RB1: variants seen among roughly 807,000 people sequenced by gnomAD.
RB1 encodes retinoblastoma-associated protein.
In RB1, 18 loss-of-function variants were observed where a neutral mutation model predicts 135.4. That is an observed-to-expected ratio of 0.13 (90% CI 0.09 to 0.20). The LOEUF is 0.20. Among genes scored for constraint, RB1 ranks in the 10% least tolerant of loss-of-function variants. The probability of loss-of-function intolerance (pLI) is 1.00; values close to 1 mark genes in which losing one functional copy is unlikely to be tolerated. For missense variants in RB1, 868 were observed against 1,110.0 expected, an observed-to-expected ratio of 0.78 and a Z score of 3.10; for synonymous variants, 365 against 373.2, an observed-to-expected ratio of 0.98 and a Z score of 0.25.
chr13:48,371,154 T>G (rs1952753952), intron 11 of RB1, among the ~76,000 whole-genome samples: 1 of 152,078 alleles, frequency 6.6e-6, no homozygotes, highest in South Asian at 2.1e-4. Flanking sequence ...ACTCACAAAT[T>G]TGGAGTGTAG....
At chr13:48,411,421 T>G in intron 17 of RB1, 4 of 1,612,810 alleles carry the variant, frequency 2.5e-6, no homozygotes, top group Non-Finnish European at 3.4e-6. Context: ...AATATCTTAC[T>G]TTTTAAGGTC....
intron 8 of RB1, among the ~76,000 whole-genome samples, chr13:48,364,420 T>C (rs1010838978): frequency 6.6e-6 from 1 of 152,224 alleles, no homozygotes; most frequent in Non-Finnish European, 1.5e-5. Context: ...GTAAATGTAT[T>C]TTGTCTTCTT....
chr13:48,332,738 TGATA>T lies in RB1; in HGVS notation c.265-9856_265-9853del, dbSNP rs1952348507. ...CAGACAAAATGGTGACTATGTGAAG[TGATA>T]GATATGTTAATTAGCTTAATTGTAG... On this transcript the variant is annotated intron_variant, in intron 2 of 26. Coordinates refer to ENST00000267163, the MANE Select transcript of RB1 (RefSeq NM_000321.3). 3.9e-5 allele frequency among the ~76,000 whole-genome samples: 6 copies of T among 152,194 alleles called. No homozygotes were observed. In the South Asian group the frequency reaches 1.2e-3, roughly 31 times the overall value.
At chr13:48,376,026 T>C (rs776617925) in intron 12 of RB1, among the ~76,000 whole-genome samples, 7 of 151,806 alleles carry the variant, frequency 4.6e-5, no homozygotes, top group African/African-American at 1.7e-4. Flanking sequence ...TTATATAATA[T>C]TATATAATAT....
intron 6 of RB1, among the ~76,000 whole-genome samples, chr13:48,355,897 G>A (rs1593441337): frequency 6.6e-6 from 1 of 152,062 alleles, no homozygotes; most frequent in Admixed American, 6.6e-5. Context: ...CTAGAGAGTA[G>A]AAGGATGGTT....
intron 2 of RB1, among the ~76,000 whole-genome samples, chr13:48,307,811 C>T (rs776253098): frequency 2.7e-5 from 4 of 150,588 alleles, no homozygotes; most frequent in Non-Finnish European, 4.4e-5. Flanking sequence ...TACAGTGAGC[C>T]GAGATCGTGC....
chr13:48,313,111 A>G (rs1952145376), intron 2 of RB1, among the ~76,000 whole-genome samples: 1 of 151,872 alleles, frequency 6.6e-6, no homozygotes, highest in East Asian at 1.9e-4. Flanking sequence ...TTCCATATGA[A>G]TCTTCCATAT....
chr13:48,309,464 G>T (rs2138037883), intron 2 of RB1, among the ~76,000 whole-genome samples: 1 of 152,252 alleles, frequency 6.6e-6, no homozygotes, highest in South Asian at 2.1e-4. Flanking sequence ...TATGTAAAAA[G>T]AGAGGAATAC....
intron 17 of RB1, chr13:48,412,533 G>A: frequency 5.2e-6 from 4 of 769,714 alleles, no homozygotes; most frequent in Non-Finnish European, 2.4e-6. Flanking sequence ...AAATTATCTG[G>A]ATCTTTGGAT....
chr13:48,319,005 G>T lies in RB1; in HGVS notation c.264+11599G>T. 1 of 714,086 alleles carries T rather than the reference G, an allele frequency of 1.4e-6. No individual in the cohort carries two copies. Among genetic ancestry groups the T allele is most frequent in the Non-Finnish European group, 2.5e-6 (1 of 393,410 alleles). 44.2% of individuals were successfully genotyped at this position (714,086 alleles called of 1,614,324 possible). ...TTGCTGCCTTACATGGGGGCCGGCA[G>T]GGTAGTCTTGGAAATGCCCAAGATT... On this transcript the variant is annotated intron_variant, in intron 2 of 26. Coordinates refer to ENST00000267163, the MANE Select transcript of RB1 (RefSeq NM_000321.3). The surrounding 1 kb of genome is among the most constrained non-coding windows in gnomAD (Gnocchi z 5.0).
At chr13:48,387,714 G>T (rs1320186078) in intron 17 of RB1, among the ~76,000 whole-genome samples, 1 of 151,936 alleles carries the variant, frequency 6.6e-6, no homozygotes. Flanking sequence ...AATTGTATAG[G>T]ATGTAATTTT....
At chr13:48,331,089 A>G (rs554113544) in intron 2 of RB1, among the ~76,000 whole-genome samples, 29 of 152,250 alleles carry the variant, frequency 1.9e-4, no homozygotes, top group South Asian at 4.1e-4. Flanking sequence ...ACATTCTTTC[A>G]TGATGAAAAC....
chr13:48,373,167 G>A (rs536866238), intron 11 of RB1, among the ~76,000 whole-genome samples: 1 of 152,156 alleles, frequency 6.6e-6, no homozygotes, highest in African/African-American at 2.4e-5. Flanking sequence ...AGTTTTATTA[G>A]TAAATAAGTA....
At chr13:48,421,166 G>A (rs890938218) in intron 17 of RB1, among the ~76,000 whole-genome samples, 4 of 152,150 alleles carry the variant, frequency 2.6e-5, no homozygotes, top group African/African-American at 7.2e-5. Context: ...AAACAGCATG[G>A]TATTGGTACC....
intron 1 of RB1, among the ~76,000 whole-genome samples, chr13:48,305,309 T>A (rs1438250245): frequency 1.3e-5 from 2 of 152,202 alleles, no homozygotes; most frequent in African/African-American, 4.8e-5. Flanking sequence ...ATTTATATAT[T>A]TAAATGGACT....
chr13:48,342,786 C>A, intron 3 of RB1, 72 bp downstream of exon 3: 1 of 1,075,820 alleles, frequency 9.3e-7, no homozygotes, highest in South Asian at 1.3e-5. Flanking sequence ...TCTCAATAGA[C>A]TTTTGTGAAT....
chr13:48,436,719 G>A (rs1268036466), intron 17 of RB1, among the ~76,000 whole-genome samples: 1 of 152,018 alleles, frequency 6.6e-6, no homozygotes, highest in Non-Finnish European at 1.5e-5. Flanking sequence ...TAGTATTAAA[G>A]GACCAGCAAG....
Position 48,319,242 on chromosome 13 carries a change from C to A in RB1, c.264+11836C>A. 3.7e-6 allele frequency: 3 copies of A among 809,260 alleles called. No homozygotes were observed. Among genetic ancestry groups the A allele is most frequent in the Non-Finnish European group, 5.6e-6 (3 of 538,496 alleles). 50.1% of individuals were successfully genotyped at this position (809,260 alleles called of 1,614,324 possible). A position where few individuals can be genotyped will look rare whatever the true frequency, so the allele number is the denominator to read the frequency against. On this transcript the variant is annotated intron_variant, in intron 2 of 26. Transcript: ENST00000267163. This position sits in a 1 kb window ranked among gnomAD's most constrained non-coding sequence, Gnocchi z 5.0. ...GCTGGGTGTTTTCCTGTGGGTCTCG[C>A]GCAAGGCACTTTTTTGTGGCGCTGC...
chr13:48,394,911 T>G (rs556023664), intron 17 of RB1, among the ~76,000 whole-genome samples: 1 of 152,188 alleles, frequency 6.6e-6, no homozygotes, highest in Non-Finnish European at 1.5e-5. Context: ...GGACAGACTG[T>G]CTCCTCAAGT....
Sources: gnomAD v4.1 joint callset for allele counts (sites outside exome capture counted in the v4.1 genomes callset) on GRCh38, gnomAD v4.1.1 for gene constraint, Gnocchi (gnomAD v3.1) non-coding constraint, MANE v1.5 for transcripts, NCBI Gene and HGNC (gene_info 2026-07-23, HGNC 2026-07-21) for gene names.